Variants in RCAN1 observed in about 807,000 individuals in gnomAD.
RCAN1 encodes regulator of calcineurin 1.
A neutral mutation model predicts 22.9 loss-of-function variants in RCAN1; 11 were observed. The ratio of observed to expected loss-of-function variants is 0.48; its 90% confidence interval spans 0.30 to 0.79. The LOEUF (loss-of-function observed/expected upper bound fraction) is 0.79. Among genes scored for constraint, RCAN1 ranks in the 30% least tolerant of loss-of-function variants. The probability of loss-of-function intolerance (pLI) is 0.06; values close to 1 mark genes in which losing one functional copy is unlikely to be tolerated. For synonymous variants in RCAN1, 136 were observed against 142.3 expected, an observed-to-expected ratio of 0.96 and a Z score of 0.32; for missense variants, 291 against 337.8, an observed-to-expected ratio of 0.86 and a Z score of 1.09.
chr21:34,557,045 T>C (rs1438966942), intron 1 of RCAN1, among the ~76,000 whole-genome samples: 1 of 152,104 alleles, frequency 6.6e-6, no homozygotes, highest in African/African-American at 2.4e-5. Flanking sequence ...AAACCCCATC[T>C]CTACTAAAAA....
chr21:34,588,110 C>T (rs1229332151), intron 1 of RCAN1, among the ~76,000 whole-genome samples: 2 of 152,348 alleles, frequency 1.3e-5, no homozygotes, highest in East Asian at 3.9e-4. Flanking sequence ...TCCCTATATA[C>T]ATATACATCC....
intron 1 of RCAN1, among the ~76,000 whole-genome samples, chr21:34,568,946 T>C (rs1289776068): frequency 6.6e-6 from 1 of 152,154 alleles, no homozygotes; most frequent in Non-Finnish European, 1.5e-5. Context: ...GCTTCTTACA[T>C]GGCGGCGGCA....
chr21:34,526,122 C>T (rs1270215464), intron 1 of RCAN1, among the ~76,000 whole-genome samples: 1 of 152,092 alleles, frequency 6.6e-6, no homozygotes, highest in Admixed American at 6.5e-5. Context: ...TATTAATCAC[C>T]ATCAAAGAGA....
At chr21:34,596,063 G>T (rs947606415) in intron 1 of RCAN1, among the ~76,000 whole-genome samples, 1 of 152,026 alleles carries the variant, frequency 6.6e-6, no homozygotes, top group Non-Finnish European at 1.5e-5. Flanking sequence ...TCTGTGGAGA[G>T]TGGACTCTCG....
At chr21:34,543,875 C>T (rs946536533) in intron 1 of RCAN1, among the ~76,000 whole-genome samples, 1 of 152,332 alleles carries the variant, frequency 6.6e-6, no homozygotes, top group Non-Finnish European at 1.5e-5. Flanking sequence ...GCCAAGATGA[C>T]CACAGTGGCA....
chr21:34,581,834 G>A (rs1987620613), intron 1 of RCAN1, among the ~76,000 whole-genome samples: 1 of 152,286 alleles, frequency 6.6e-6, no homozygotes, highest in African/African-American at 2.4e-5. Flanking sequence ...TGTCTCCCAC[G>A]GGCTCTACAG....
chr21:34,543,312 T>C (rs957696388), intron 1 of RCAN1, among the ~76,000 whole-genome samples: 4 of 152,198 alleles, frequency 2.6e-5, no homozygotes, highest in African/African-American at 9.7e-5. Flanking sequence ...TCAAGGTGTC[T>C]TTATAAGCAG....
At chr21:34,564,521 G>T (rs1986932994) in intron 1 of RCAN1, among the ~76,000 whole-genome samples, 1 of 152,112 alleles carries the variant, frequency 6.6e-6, no homozygotes, top group South Asian at 2.1e-4. Flanking sequence ...GAGAGAACAG[G>T]GAGGCAGGGA....
intron 1 of RCAN1, among the ~76,000 whole-genome samples, chr21:34,538,602 T>C (rs1455541304): frequency 6.6e-6 from 1 of 152,102 alleles, no homozygotes; most frequent in African/African-American, 2.4e-5. Context: ...GAAAGGAAAC[T>C]GGGCAGAGGG....
chr21:34,594,467 G>T (rs189762631), intron 1 of RCAN1, among the ~76,000 whole-genome samples: 3 of 152,104 alleles, frequency 2.0e-5, no homozygotes, highest in Non-Finnish European at 2.9e-5. Flanking sequence ...CAGGAGAATC[G>T]CTTGAACCCA....
intron 1 of RCAN1, among the ~76,000 whole-genome samples, chr21:34,538,228 A>G (rs1372151661): frequency 6.6e-6 from 1 of 152,238 alleles, no homozygotes; most frequent in African/African-American, 2.4e-5. Context: ...TGTGGTCTTT[A>G]AGATAGTTTC....
chr21:34,611,938 A>G (rs2123740120), intron 1 of RCAN1, among the ~76,000 whole-genome samples: 1 of 152,264 alleles, frequency 6.6e-6, no homozygotes, highest in Non-Finnish European at 1.5e-5. Context: ...CCCTTAGCCC[A>G]CCTGGTTTTT....
At chr21:34,552,077 C>T (rs1986390298) in intron 1 of RCAN1, among the ~76,000 whole-genome samples, 1 of 152,094 alleles carries the variant, frequency 6.6e-6, no homozygotes, top group Non-Finnish European at 1.5e-5. Context: ...CTCACTCCTG[C>T]TGGAGGGCTG....
intron 1 of RCAN1, among the ~76,000 whole-genome samples, chr21:34,565,730 G>A (rs920434497): frequency 6.6e-6 from 1 of 152,234 alleles, no homozygotes; most frequent in Non-Finnish European, 1.5e-5. Flanking sequence ...TTAAAATGCA[G>A]TATTAGGTGA....
In RCAN1 at chr21:34,545,037, G is replaced by A. The variant is rs532837880; in HGVS notation, c.253-21327C>T. Reference sequence around the variant, plus strand: ...ATTTACTCCTCACCATCAGTGGAGCGAGAGCCTCTGGGACCACGTCTCCCG... The same window carrying A: ...ATTTACTCCTCACCATCAGTGGAGCAAGAGCCTCTGGGACCACGTCTCCCG... On this transcript the variant is annotated intron_variant, in intron 1 of 3. Transcript: ENST00000313806. Among the ~76,000 whole-genome samples, 8 of 152,322 alleles carry A rather than the reference G, an allele frequency of 5.3e-5. No homozygotes were observed. In the South Asian group the frequency reaches 1.7e-3, roughly 32 times the overall value.
At chr21:34,604,486 GTA>G (rs1426668804) in intron 1 of RCAN1, among the ~76,000 whole-genome samples, 1 of 152,122 alleles carries the variant, frequency 6.6e-6, no homozygotes, top group Non-Finnish European at 1.5e-5. Context: ...GATCAGTACT[GTA>G]TATGTTTCCA....
At chr21:34,540,942 A>G (rs1008724255) in intron 1 of RCAN1, among the ~76,000 whole-genome samples, 13 of 152,100 alleles carry the variant, frequency 8.5e-5, no homozygotes, top group African/African-American at 3.1e-4. Flanking sequence ...CCGAGATCGC[A>G]CCACTGTATT....
At chr21:34,570,965 G>T (rs1266678771) in intron 1 of RCAN1, among the ~76,000 whole-genome samples, 1 of 152,098 alleles carries the variant, frequency 6.6e-6, no homozygotes, top group African/African-American at 2.4e-5. Context: ...AGAGTAAAAA[G>T]GATCTGTTCT....
intron 1 of RCAN1, among the ~76,000 whole-genome samples, chr21:34,593,861 G>C (rs894041795): frequency 6.6e-6 from 1 of 152,240 alleles, no homozygotes; most frequent in African/African-American, 2.4e-5. Context: ...AGTGGTCTAT[G>C]CCTGGGTGCC....
Sources: gnomAD v4.1 joint callset for allele counts (sites outside exome capture counted in the v4.1 genomes callset) on GRCh38, gnomAD v4.1.1 for gene constraint, MANE v1.5 for transcripts, NCBI Gene and HGNC (gene_info 2026-07-23, HGNC 2026-07-21) for gene names.